CYP4F8: variants seen among roughly 807,000 people sequenced by gnomAD.
CYP4F8 encodes cytochrome P450 family 4 subfamily F member 8, also known as cytochrome P450 4F8.
Under a neutral mutation model 55.0 loss-of-function variants are expected in CYP4F8, and 56 were observed. The observed-to-expected ratio is 1.02, with a 90% confidence interval of 0.82 to 1.27. CYP4F8 has a LOEUF of 1.27. CYP4F8 is among the 50% of genes most tolerant of loss of function. CYP4F8 has a pLI of 0.00. For missense variants in CYP4F8, 680 were observed against 682.4 expected, an observed-to-expected ratio of 1.00 and a Z score of 0.04; for synonymous variants, 288 against 267.3, an observed-to-expected ratio of 1.08 and a Z score of -0.76.
At chr19:15,618,368 G>C (rs1972151182) in intron 3 of CYP4F8, 1 of 766,324 alleles carries the variant, frequency 1.3e-6, no homozygotes. Flanking sequence ...GGAACCACTG[G>C]GGCCCCGAGA....
chr19:15,622,326 C>G lies in CYP4F8; in HGVS notation c.633C>G (p.Asp211Glu). The G allele has an allele frequency of 6.2e-7, 1 of 1,609,850 alleles. No homozygotes were observed. Among genetic ancestry groups the G allele is most frequent in the East Asian group, 2.2e-5 (1 of 44,584 alleles). The stretch of plus-strand genomic sequence containing the variant: ...TGCAGAAATGCATCTTCAGCTTTGA[C>G]AGCAATTGTCAGGAGTGAGTTCTTG... ...DSLQKCIFSF[D>E]SNCQEKPSEY... Residue 211 changes from aspartate (D) to glutamate (E), a missense_variant, in exon 6 of 13, where the codon GAC becomes GAG. Physicochemically the swap from Asp to Glu is conservative, Grantham distance 45. Coordinates refer to ENST00000612078, the MANE Select transcript of CYP4F8 (RefSeq NM_007253.4).
At chr19:15,618,511 A>G (rs1489285965) in intron 3 of CYP4F8, 5 of 368,868 alleles carry the variant, frequency 1.4e-5, no homozygotes, top group Non-Finnish European at 1.1e-5. Flanking sequence ...ATAGGAGAAC[A>G]AGGTTTCTAC....
At chr19:15,621,616 AG>A (rs1972195243) in intron 5 of CYP4F8, 1 of 152,288 alleles carries the variant, frequency 6.6e-6, no homozygotes, top group African/African-American at 2.4e-5. Context: ...AAAAATGTTC[AG>A]GGGGATCACA....
At chr19:15,618,566 G>A in intron 3 of CYP4F8, 2 of 346,852 alleles carry the variant, frequency 5.8e-6, no homozygotes, top group Middle Eastern at 5.5e-4. Context: ...AGCAGGAGCT[G>A]GGTGTGGAAC....
Position 15,619,546 on chromosome 19 carries a change from A to G in CYP4F8, c.397+3A>G. 1 of 1,614,226 alleles carries G rather than the reference A, an allele frequency of 6.2e-7. No individual in the cohort carries two copies. The highest frequency in any genetic ancestry group is 8.5e-7 in the Non-Finnish European group (1 of 1,180,018). ...CAAGACCCTGAAGCCCTGGCTGGGT[A>G]AGTAACTGTAGGTGGACGGGACGGG... On this transcript the variant is annotated splice_donor_region_variant and intron_variant, in intron 4 of 12. Coordinates refer to ENST00000612078, the MANE Select transcript of CYP4F8 (RefSeq NM_007253.4).
chr19:15,619,887 A>AT, intron 5 of CYP4F8, 125 bp downstream of exon 5: 1 of 1,249,070 alleles, frequency 8.0e-7, no homozygotes, highest in Non-Finnish European at 1.1e-6. Flanking sequence ...CTGTGCCTTG[A>AT]TTTCCCCATG....
Position 15,623,338 on chromosome 19 carries a change from A to G in CYP4F8, c.881A>G (p.Lys294Arg), listed in dbSNP as rs1260287918. ...DDFLQAKAKS[K>R]TLDFIDVLLL... ...TTCCTCCAAGCCAAGGCCAAGTCCA[A>G]GACTTTGGACTTTATTGATGTGCTC... Residue 294 changes from lysine to arginine, a missense_variant, in exon 7 of 13, where the codon AAG becomes AGG. By Grantham distance (26) the Lys-to-Arg change is conservative. Transcript: ENST00000612078. 6.2e-7 allele frequency: 1 copy of G among 1,613,936 alleles called. No homozygotes were observed. Among genetic ancestry groups the G allele is most frequent in the Non-Finnish European group, 8.5e-7 (1 of 1,180,002 alleles).
chr19:15,625,492 A>G (rs1247468900), intron 9 of CYP4F8, among the ~76,000 whole-genome samples: 2 of 151,366 alleles, frequency 1.3e-5, no homozygotes, highest in African/African-American at 2.4e-5. Context: ...TTAGGCATGT[A>G]TGTATATATA....
chr19:15,627,473 CAAAAAA>C (rs34650719), intron 9 of CYP4F8: 1 of 125,274 alleles, frequency 8.0e-6, no homozygotes, highest in Non-Finnish European at 1.7e-5. Flanking sequence ...GAATCCATCT[CAAAAAA>C]AAAAAAAAAA....
rs1365298515 is a variant in CYP4F8, at chr19:15,623,202, C to T, written c.745C>T (p.Leu249Phe). 6 of 1,613,984 alleles carry T rather than the reference C, an allele frequency of 3.7e-6. No homozygotes were observed. The Admixed American group carries it at 1.0e-4, about 27-fold the overall frequency. ...CCGGTACAAGGACTTCCTGTACTTC[C>T]TCACTCCCTGTGGACGGCGCTTCCA... ...FFRYKDFLYF[L>F]TPCGRRFHRA... The change falls in exon 7 of 13, where the codon CTC (leucine) becomes TTC (phenylalanine). Residue 249 changes from leucine (L) to phenylalanine (F), a missense_variant. Transcript: ENST00000612078.
chr19:15,628,543 A>C lies in CYP4F8; in HGVS notation c.1262A>C (p.Asn421Thr), dbSNP rs777336208. 4 of 1,613,910 alleles carry C rather than the reference A, an allele frequency of 2.5e-6. No individual in the cohort carries two copies. Among genetic ancestry groups the C allele is most frequent in the Non-Finnish European group, 3.4e-6 (4 of 1,179,858 alleles). The change falls in exon 11 of 13, where the codon AAC becomes ACC. Residue 421 changes from asparagine to threonine, a missense_variant. Physicochemically the swap from Asn to Thr is moderately conservative, Grantham distance 65 (BLOSUM62 0). Coordinates refer to ENST00000612078, the MANE Select transcript of CYP4F8 (RefSeq NM_007253.4). ...SRVIPKGNVC[N>T]INIFAIHHNP... ...TCCTGCACGACAGGGAATGTCTGTA[A>C]CATCAACATCTTCGCAATCCATCAC...
intron 3 of CYP4F8, chr19:15,619,217 G>A (rs1972161482): frequency 2.4e-6 from 1 of 423,150 alleles, no homozygotes; most frequent in Non-Finnish European, 4.3e-6. Flanking sequence ...CTTGGGTGTT[G>A]CAGAACATGT....
intron 8 of CYP4F8, 39 bp downstream of exon 8, chr19:15,623,804 T>A (rs1263094704): frequency 1.9e-6 from 3 of 1,611,234 alleles, no homozygotes; most frequent in Non-Finnish European, 1.7e-6. Context: ...GGGACAGGGG[T>A]CTCTCCACTC....
chr19:15,624,376 G>C (rs1241196896), intron 9 of CYP4F8, among the ~76,000 whole-genome samples: 1 of 152,140 alleles, frequency 6.6e-6, no homozygotes, highest in Non-Finnish European at 1.5e-5. Flanking sequence ...TTGTAAATTG[G>C]GGGTGTGGGG....
intron 3 of CYP4F8, chr19:15,618,471 G>C (rs1439044801): frequency 9.5e-6 from 4 of 419,064 alleles, no homozygotes; most frequent in African/African-American, 6.1e-5. Context: ...GGTTCAGAAT[G>C]GGCCAGGAGG....
chr19:15,622,466 AAGAAGGAG>A (rs1972207342), intron 6 of CYP4F8, 126 bp downstream of exon 6: 19 of 1,313,698 alleles, frequency 1.4e-5, no homozygotes, highest in Non-Finnish European at 1.9e-5. Flanking sequence ...TTGAAGGACA[AAGAAGGAG>A]AGAAGGAGAG....
At chr19:15,615,580 C>T (rs768039515) in intron 1 of CYP4F8, 36 bp from the exon 2 acceptor site, 11 of 1,607,416 alleles carry the variant, frequency 6.8e-6, no homozygotes, top group Non-Finnish European at 9.3e-6. Context: ...TTTCCTAGGC[C>T]TCAGGACCTC....
At position 15,623,977 on chromosome 19, in the gene CYP4F8, C is replaced by T. The variant is rs1972230013; in HGVS notation, c.998C>T (p.Thr333Met). 7.4e-6 allele frequency: 12 copies of T among 1,613,996 alleles called. No individual in the cohort carries two copies. Among genetic ancestry groups the T allele is most frequent in the African/African-American group, 2.7e-5 (2 of 74,930 alleles). ...GGCTGACCCTCAGGCCATGACACCA[C>T]GGCCAGTGGCCTCTCCTGGGTCTTG... ...DTFMFGGHDT[T>M]ASGLSWVLYN... Residue 333 changes from threonine (T) to methionine (M), a missense_variant, in exon 9 of 13, where the codon ACG becomes ATG. By Grantham distance (81) the Thr-to-Met change is moderately conservative. Transcript: ENST00000612078.
At chr19:15,619,314 T>C (rs889755709) in intron 3 of CYP4F8, 176 bp from the exon 4 acceptor site, 1 of 643,336 alleles carries the variant, frequency 1.6e-6, no homozygotes, top group Non-Finnish European at 2.7e-6. Flanking sequence ...TGTTGCAGCC[T>C]AGTCCGGTCC....
Sources: gnomAD v4.1 joint callset for allele counts (sites outside exome capture counted in the v4.1 genomes callset) on GRCh38, gnomAD v4.1.1 for gene constraint, MANE v1.5 for transcripts, NCBI Gene and HGNC (gene_info 2026-07-23, HGNC 2026-07-21) for gene names.